The following PPP1R12B variants were observed in gnomAD, a reference collection of about 807,000 sequenced individuals.
PPP1R12B encodes protein phosphatase 1 regulatory subunit 12B.
In PPP1R12B, 76 loss-of-function variants were observed where a neutral mutation model predicts 126.1. The ratio of observed to expected loss-of-function variants is 0.60; its 90% confidence interval spans 0.50 to 0.73. PPP1R12B has a LOEUF of 0.73. Among genes scored for constraint, PPP1R12B ranks in the 30% least tolerant of loss-of-function variants. The pLI, the probability that PPP1R12B is intolerant of heterozygous loss-of-function variation, is 0.00. For missense variants in PPP1R12B, 1,052 were observed against 1,205.1 expected, an observed-to-expected ratio of 0.87 and a Z score of 1.88; for synonymous variants, 356 against 434.7, an observed-to-expected ratio of 0.82 and a Z score of 2.25.
chr1:202,394,975 G>A (rs915577257), intron 1 of PPP1R12B, among the ~76,000 whole-genome samples: 3 of 151,858 alleles, frequency 2.0e-5, no homozygotes, highest in African/African-American at 7.3e-5. Context: ...AAAATTAGCT[G>A]GATGTGGTAG....
intron 13 of PPP1R12B, among the ~76,000 whole-genome samples, chr1:202,483,401 C>T (rs1428914378): frequency 2.0e-5 from 3 of 147,528 alleles, no homozygotes; most frequent in Non-Finnish European, 3.0e-5. Flanking sequence ...GAAAGATAAA[C>T]CTATGGAAGA....
chr1:202,452,677 T>G (rs919320715), intron 13 of PPP1R12B, among the ~76,000 whole-genome samples: 25 of 152,220 alleles, frequency 1.6e-4, no homozygotes, highest in Middle Eastern at 3.2e-3. Flanking sequence ...TAGTGACTTT[T>G]GTATGTTGAT....
intron 19 of PPP1R12B, among the ~76,000 whole-genome samples, chr1:202,559,280 G>C (rs1159060746): frequency 6.6e-6 from 1 of 152,182 alleles, no homozygotes; most frequent in Non-Finnish European, 1.5e-5. Context: ...CATAGTAAGT[G>C]CCCATTAGAA....
chr1:202,419,237 T>C lies in PPP1R12B; in HGVS notation c.422+2320T>C, dbSNP rs867702864. Among the ~76,000 whole-genome samples, 122 of 152,326 alleles carry C rather than the reference T, an allele frequency of 8.0e-4. No homozygotes were observed. The highest frequency in any genetic ancestry group is 2.8e-3 in the African/African-American group (118 of 41,572). Reference sequence around the variant, plus strand: ...CCCAAACATACATCATTTGGCTTTATAGTTTATTGAGTTGCTAATTTATTC... The same window carrying C: ...CCCAAACATACATCATTTGGCTTTACAGTTTATTGAGTTGCTAATTTATTC... On this transcript the variant is annotated intron_variant, in intron 2 of 23. Coordinates refer to ENST00000608999, the MANE Select transcript of PPP1R12B (RefSeq NM_002481.4). This position sits in a 1 kb window ranked among gnomAD's most constrained non-coding sequence, Gnocchi z 4.6.
At chr1:202,473,101 T>G (rs543136723) in intron 13 of PPP1R12B, among the ~76,000 whole-genome samples, 5 of 152,344 alleles carry the variant, frequency 3.3e-5, no homozygotes, top group African/African-American at 1.2e-4. Context: ...AAATTCTTTC[T>G]TAAAAAATTC....
At chr1:202,398,979 A>G (rs1343061355) in intron 1 of PPP1R12B, among the ~76,000 whole-genome samples, 2 of 152,012 alleles carry the variant, frequency 1.3e-5, no homozygotes, top group African/African-American at 4.8e-5. Flanking sequence ...TCACTACTAA[A>G]CATATATATA....
intron 15 of PPP1R12B, 117 bp downstream of exon 15, chr1:202,493,434 A>G: frequency 4.5e-6 from 5 of 1,114,660 alleles, no homozygotes; most frequent in Non-Finnish European, 6.3e-6. Flanking sequence ...CAACTCACTC[A>G]GTATGGCTGT....
At chr1:202,445,087 T>C (rs1181290517) in intron 12 of PPP1R12B, 3 of 1,247,198 alleles carry the variant, frequency 2.4e-6, no homozygotes, top group Admixed American at 4.2e-5. Context: ...AGTCCCTACA[T>C]TTCAGCCAAT....
chr1:202,430,891 A>G (rs1670106677), intron 7 of PPP1R12B, 81 bp downstream of exon 7: 66 of 1,528,114 alleles, frequency 4.3e-5, no homozygotes, highest in Non-Finnish European at 5.6e-5. Context: ...TATAAAGTGA[A>G]GAAACTCTGT....
At chr1:202,404,512 A>T (rs1666307773) in intron 1 of PPP1R12B, among the ~76,000 whole-genome samples, 1 of 151,306 alleles carries the variant, frequency 6.6e-6, no homozygotes, top group Non-Finnish European at 1.5e-5. Context: ...TTTTATTATA[A>T]TTTTTTTGAG....
chr1:202,416,249 G>A (rs1198333351), intron 1 of PPP1R12B, among the ~76,000 whole-genome samples: 1 of 152,014 alleles, frequency 6.6e-6, no homozygotes, highest in Non-Finnish European at 1.5e-5. Context: ...GTCATAAGCC[G>A]GGTGCGGTGG....
At chr1:202,411,508 C>T (rs1667381515) in intron 1 of PPP1R12B, among the ~76,000 whole-genome samples, 1 of 142,552 alleles carries the variant, frequency 7.0e-6, no homozygotes, top group Non-Finnish European at 1.5e-5. Flanking sequence ...AGTTCAAAGA[C>T]ATTTTTAACC....
intron 18 of PPP1R12B, among the ~76,000 whole-genome samples, chr1:202,558,351 T>C (rs1040827433): frequency 2.6e-5 from 4 of 151,964 alleles, no homozygotes; most frequent in African/African-American, 9.7e-5. Flanking sequence ...GTTTCTCCCC[T>C]CTCCCTTACT....
At chr1:202,378,283 A>G (rs1347135410) in intron 1 of PPP1R12B, among the ~76,000 whole-genome samples, 1 of 109,530 alleles carries the variant, frequency 9.1e-6, no homozygotes, top group Non-Finnish European at 1.9e-5. Flanking sequence ...TTTATTCTTA[A>G]AAATGGCCAC....
At chr1:202,367,658 T>C (rs921044595) in intron 1 of PPP1R12B, among the ~76,000 whole-genome samples, 3 of 152,214 alleles carry the variant, frequency 2.0e-5, no homozygotes, top group African/African-American at 7.2e-5. Context: ...AGTGAAGCAC[T>C]TCCAGGCCAT....
chr1:202,494,716 A>G (rs1679322905), intron 15 of PPP1R12B, among the ~76,000 whole-genome samples: 1 of 151,350 alleles, frequency 6.6e-6, no homozygotes, highest in African/African-American at 2.4e-5. Flanking sequence ...AAAAAAAAAA[A>G]GAAAAGAAAA....
chr1:202,386,072 T>A (rs1663084017), intron 1 of PPP1R12B, among the ~76,000 whole-genome samples: 1 of 151,856 alleles, frequency 6.6e-6, no homozygotes, highest in Non-Finnish European at 1.5e-5. Context: ...TAGCTGGGAC[T>A]ACAGGCGCCC....
chr1:202,491,010 A>T (rs1164089365), intron 14 of PPP1R12B, among the ~76,000 whole-genome samples: 1 of 152,162 alleles, frequency 6.6e-6, no homozygotes, highest in Non-Finnish European at 1.5e-5. Flanking sequence ...TGGTAATTCA[A>T]TTTTTAATTT....
intron 18 of PPP1R12B, among the ~76,000 whole-genome samples, chr1:202,554,890 T>C (rs1686720974): frequency 6.6e-6 from 1 of 151,888 alleles, no homozygotes; most frequent in East Asian, 2.0e-4. Flanking sequence ...AGTAAGCCTA[T>C]AGGGACAAAA....
Sources: gnomAD v4.1 joint callset for allele counts (sites outside exome capture counted in the v4.1 genomes callset) on GRCh38, gnomAD v4.1.1 for gene constraint, Gnocchi (gnomAD v3.1) non-coding constraint, MANE v1.5 for transcripts, NCBI Gene and HGNC (gene_info 2026-07-23, HGNC 2026-07-21) for gene names.